RAB11FIP4: variants seen among roughly 807,000 people sequenced by gnomAD.
The protein encoded by RAB11FIP4 is rab11 family-interacting protein 4.
RAB11FIP4 carries 23 observed loss-of-function variants against 74.3 expected under a neutral mutation model. The observed-to-expected ratio is 0.31, with a 90% CI of 0.22 to 0.44. The LOEUF (loss-of-function observed/expected upper bound fraction) is 0.44. Among genes scored for constraint, RAB11FIP4 ranks in the 20% least tolerant of loss-of-function variants. The probability of loss-of-function intolerance (pLI) is 1.00; values close to 1 mark genes in which losing one functional copy is unlikely to be tolerated. For synonymous variants in RAB11FIP4, 360 were observed against 359.9 expected, an observed-to-expected ratio of 1.00 and a Z score of 0.00; for missense variants, 630 against 863.9, an observed-to-expected ratio of 0.73 and a Z score of 3.39.
At chr17:31,493,479 G>A (rs1280294517) in intron 3 of RAB11FIP4, among the ~76,000 whole-genome samples, 1 of 151,848 alleles carries the variant, frequency 6.6e-6, no homozygotes, top group African/African-American at 2.4e-5. Context: ...CGGTGAACTT[G>A]GGGTAAGGGA....
chr17:31,441,988 T>C (rs904706339), intron 3 of RAB11FIP4, among the ~76,000 whole-genome samples: 1 of 152,068 alleles, frequency 6.6e-6, no homozygotes, highest in African/African-American at 2.4e-5. Context: ...TTTCTTATTG[T>C]TGGGCGTATA....
intron 3 of RAB11FIP4, among the ~76,000 whole-genome samples, chr17:31,440,882 A>G (rs2071401425): frequency 6.6e-6 from 1 of 152,214 alleles, no homozygotes; most frequent in African/African-American, 2.4e-5. Flanking sequence ...AGGAGATCAT[A>G]TTTGAAATTA....
chr17:31,403,404 C>G (rs1437464920), intron 1 of RAB11FIP4, among the ~76,000 whole-genome samples: 1 of 151,764 alleles, frequency 6.6e-6, no homozygotes, highest in Middle Eastern at 3.4e-3. Context: ...CTCACTGCAA[C>G]CTCTGCCTCC....
chr17:31,419,553 CTT>C (rs559266824), intron 1 of RAB11FIP4, among the ~76,000 whole-genome samples: 16 of 138,226 alleles, frequency 1.2e-4, no homozygotes, highest in Non-Finnish European at 1.6e-4. Context: ...TTTCTTTTTT[CTT>C]TTTTTTTTTT....
rs1170510904 is a variant in RAB11FIP4 at position 31,517,798 on chromosome 17, A to G, written c.484A>G (p.Thr162Ala). 6.4e-7 allele frequency: 1 copy of G among 1,555,594 alleles called. No individual in the cohort carries two copies. Among genetic ancestry groups the G allele is most frequent in the East Asian group, 2.4e-5 (1 of 41,622 alleles). Reference protein sequence around the residue: ...ELYTDSPMESTQSLEGSVGSP... With the variant: ...ELYTDSPMESAQSLEGSVGSP... ...GTACACAGACAGCCCCATGGAGAGC[A>G]CTCAGAGCCTGGAGGGGTCTGTCGG... The change falls in exon 4 of 15, where the codon ACT becomes GCT. Residue 162 changes from threonine to alanine, a missense_variant. Coordinates refer to ENST00000621161, the MANE Select transcript of RAB11FIP4 (RefSeq NM_032932.6).
At position 31,522,014 on chromosome 17, in the gene RAB11FIP4, C is replaced by T; in HGVS notation, c.858C>T (p.Asp286=). The T allele has an allele frequency of 6.2e-7, 1 of 1,614,152 alleles. No homozygotes were observed. The part of the protein sequence containing the change: ...QCCKKINLLN[D]LEARLKNLKA... ...GCAAGAAAATCAACCTGCTCAATGA[C>T]TTGGAAGCCCGACTGAAAAACCTGA... Residue 286 remains aspartate, a synonymous_variant, in exon 6 of 15, where the codon GAC becomes GAT. Transcript: ENST00000621161.
chr17:31,501,215 CA>C (rs1304063761), intron 3 of RAB11FIP4, among the ~76,000 whole-genome samples: 3 of 146,898 alleles, frequency 2.0e-5, no homozygotes, highest in Admixed American at 6.8e-5. Flanking sequence ...TAGGACAGAC[CA>C]AAAATAAATC....
chr17:31,412,859 G>A (rs1420155308), intron 1 of RAB11FIP4, among the ~76,000 whole-genome samples: 1 of 152,194 alleles, frequency 6.6e-6, no homozygotes, highest in East Asian at 1.9e-4. Context: ...GAGGTGAGGA[G>A]CAGTACCTGC....
chr17:31,497,060 C>G (rs2072129844), intron 3 of RAB11FIP4, among the ~76,000 whole-genome samples: 1 of 152,156 alleles, frequency 6.6e-6, no homozygotes, highest in Non-Finnish European at 1.5e-5. Context: ...TCCTTGTTCT[C>G]AAATGTTTAA....
chr17:31,407,347 C>T (rs1014271523), intron 1 of RAB11FIP4, among the ~76,000 whole-genome samples: 14 of 152,160 alleles, frequency 9.2e-5, no homozygotes, highest in Non-Finnish European at 1.9e-4. Flanking sequence ...TCGTGGCTGG[C>T]TTTCACCCTA....
rs995535418 is a variant in RAB11FIP4, at chr17:31,535,641, C to G, written c.*3909C>G. 1.3e-5 allele frequency: 2 copies of G among 152,242 alleles called. No homozygotes were observed. Among genetic ancestry groups the G allele is most frequent in the Non-Finnish European group, 2.9e-5 (2 of 68,088 alleles). 9.4% of individuals were successfully genotyped at this position (152,242 alleles called of 1,614,324 possible). A position where few individuals can be genotyped will look rare whatever the true frequency, so the allele number is the denominator to read the frequency against. Reference sequence around the variant, plus strand: ...GGCCTGCAGGATGGGAGGCCAGATGCCTTCAGGAGCTGGTGGATCCAGCTG... The same window carrying G: ...GGCCTGCAGGATGGGAGGCCAGATGGCTTCAGGAGCTGGTGGATCCAGCTG... On this transcript the variant is annotated 3_prime_UTR_variant, in exon 15 of 15. Coordinates refer to ENST00000621161, the MANE Select transcript of RAB11FIP4 (RefSeq NM_032932.6).
intron 3 of RAB11FIP4, among the ~76,000 whole-genome samples, chr17:31,453,069 G>A (rs374870145): frequency 3.9e-5 from 6 of 152,144 alleles, no homozygotes; most frequent in African/African-American, 1.4e-4. Flanking sequence ...CTTGGGGAGA[G>A]GCTGGGCACG....
chr17:31,507,172 G>A (rs566203661), intron 3 of RAB11FIP4, among the ~76,000 whole-genome samples: 1 of 152,306 alleles, frequency 6.6e-6, no homozygotes, highest in South Asian at 2.1e-4. Context: ...CCAGCTACTC[G>A]GGAGGCTGAG....
intron 1 of RAB11FIP4, among the ~76,000 whole-genome samples, chr17:31,394,076 A>G (rs978693759): frequency 2.6e-5 from 4 of 152,016 alleles, no homozygotes; most frequent in African/African-American, 9.7e-5. Flanking sequence ...CCCTTCGGGG[A>G]GGGTCAGTGA....
intron 2 of RAB11FIP4, among the ~76,000 whole-genome samples, chr17:31,433,322 G>A (rs753709593): frequency 2.6e-5 from 4 of 152,310 alleles, no homozygotes; most frequent in Non-Finnish European, 2.9e-5. Flanking sequence ...GCCCTTTTCT[G>A]TGGGGTGCCT....
At chr17:31,525,585 A>G (rs2072751768) in intron 10 of RAB11FIP4, 1 of 254,548 alleles carries the variant, frequency 3.9e-6, no homozygotes. Context: ...CCCCAGGGCC[A>G]AGGTAAATGG....
intron 1 of RAB11FIP4, among the ~76,000 whole-genome samples, chr17:31,404,270 C>T (rs2071022769): frequency 6.6e-6 from 1 of 152,224 alleles, no homozygotes; most frequent in Non-Finnish European, 1.5e-5. Context: ...GTCAGAGGCC[C>T]TGCAGCCCCA....
chr17:31,424,576 A>AT (rs71142050), intron 1 of RAB11FIP4, among the ~76,000 whole-genome samples: 5,779 of 124,534 alleles, frequency 0.046, 454 homozygotes, highest in African/African-American at 0.15. Context: ...CACCCAGCTA[A>AT]TTTTTTTTTT....
chr17:31,397,088 G>T (rs113894292), intron 1 of RAB11FIP4, among the ~76,000 whole-genome samples: 1 of 152,136 alleles, frequency 6.6e-6, no homozygotes, highest in African/African-American at 2.4e-5. Flanking sequence ...TTTGAGATAC[G>T]TGGCTTCCAG....
Sources: allele counts gnomAD v4.1 joint callset (sites outside exome capture counted in the v4.1 genomes callset), GRCh38; gene constraint gnomAD v4.1.1; transcripts MANE v1.5; gene names NCBI Gene and HGNC (gene_info 2026-07-23, HGNC 2026-07-21).